COBL: variants seen among roughly 807,000 people sequenced by gnomAD.
The protein encoded by COBL is cordon-bleu WH2 repeat protein.
In COBL, 51 loss-of-function variants were observed where a neutral mutation model predicts 98.8. The ratio of observed to expected loss-of-function variants is 0.52; its 90% confidence interval spans 0.41 to 0.65. COBL has a LOEUF of 0.65. Among genes scored for constraint, COBL ranks in the 30% least tolerant of loss-of-function variants. The pLI, the probability that COBL is intolerant of heterozygous loss-of-function variation, is 0.00. For synonymous variants in COBL, 634 were observed against 651.7 expected (o/e 0.97, Z 0.41); for missense variants, 1,617 against 1,617.5 (o/e 1.00, Z 0.01).
At chr7:51,243,490 C>T (rs1376456528) in intron 1 of COBL, among the ~76,000 whole-genome samples, 1 of 152,178 alleles carries the variant, frequency 6.6e-6, no homozygotes, top group Non-Finnish European at 1.5e-5. Flanking sequence ...AAGGTATAAT[C>T]TTGTATATAT....
chr7:51,137,579 C>A, intron 5 of COBL, among the ~76,000 whole-genome samples: 1 of 134,382 alleles, frequency 7.4e-6, no homozygotes. Flanking sequence ...AGTGAGATCC[C>A]ACTTCTTTAA....
chr7:51,113,589 C>T (rs1461181896), intron 6 of COBL, among the ~76,000 whole-genome samples: 3 of 152,084 alleles, frequency 2.0e-5, no homozygotes, highest in African/African-American at 7.2e-5. Flanking sequence ...TAGAAAAACA[C>T]AAAAATATTG....
chr7:51,053,958 A>T (rs1305527021), intron 7 of COBL, among the ~76,000 whole-genome samples: 1 of 152,260 alleles, frequency 6.6e-6, no homozygotes, highest in African/African-American at 2.4e-5. Context: ...AGGTGGGTGG[A>T]TGACTTGAGG....
At chr7:51,300,976 T>C (rs10234034) in intron 1 of COBL, among the ~76,000 whole-genome samples, 3,133 of 152,070 alleles carry the variant, frequency 0.021, 94 homozygotes, top group African/African-American at 0.072. Context: ...AGATGTGGGG[T>C]TAACCGCTCC....
Position 51,115,844 on chromosome 7 carries a change from G to A in COBL, c.957+20314C>T, listed in dbSNP as rs981090676. Among the ~76,000 whole-genome samples the A allele has an allele frequency of 2.0e-5, 3 of 152,058 alleles. No individual in the cohort carries two copies. In the East Asian group the frequency reaches 5.8e-4, roughly 29 times the overall value. The stretch of plus-strand genomic sequence containing the variant: ...GCTGTTCTCCAATATGATGGTGGAT[G>A]TGTCTATTTCTCCTAATTTTGTCAA... On this transcript the variant is annotated intron_variant, in intron 6 of 12. Transcript: ENST00000265136.
At chr7:51,145,824 C>A (rs967792404) in intron 5 of COBL, among the ~76,000 whole-genome samples, 1 of 152,188 alleles carries the variant, frequency 6.6e-6, no homozygotes. Flanking sequence ...TTTGAACAGC[C>A]GTCTTTCGTG....
chr7:51,240,300 A>C (rs4948206), intron 1 of COBL, among the ~76,000 whole-genome samples: 42,201 of 152,088 alleles, frequency 0.28, 7,448 homozygotes, highest in East Asian at 0.67. Context: ...GTATTCATAC[A>C]CTTAATCCAG....
intron 6 of COBL, among the ~76,000 whole-genome samples, chr7:51,092,599 G>A (rs1309735304): frequency 2.0e-5 from 3 of 152,030 alleles, no homozygotes; most frequent in Non-Finnish European, 4.4e-5. Flanking sequence ...ATAAACACTT[G>A]GGTTTATTTC....
At chr7:51,031,128 C>A in intron 8 of COBL, 1 of 555,854 alleles carries the variant, frequency 1.8e-6, no homozygotes, top group South Asian at 2.4e-5. Context: ...ATGCGTGTAG[C>A]GTGTGTGCAT....
chr7:51,084,357 G>A (rs1334944617), intron 7 of COBL, among the ~76,000 whole-genome samples: 5 of 152,086 alleles, frequency 3.3e-5, no homozygotes, highest in South Asian at 2.1e-4. Context: ...TGGTGGCTTC[G>A]TCGTGAGCAC....
intron 7 of COBL, among the ~76,000 whole-genome samples, chr7:51,076,016 C>T (rs1793038109): frequency 6.6e-6 from 1 of 152,308 alleles, no homozygotes; most frequent in South Asian, 2.1e-4. Flanking sequence ...TCCTGTTTTC[C>T]TGGATGCCAT....
intron 1 of COBL, 33 bp downstream of exon 1, chr7:51,316,560 C>G: frequency 8.3e-7 from 1 of 1,211,266 alleles, no homozygotes; most frequent in Non-Finnish European, 1.0e-6. Flanking sequence ...GGGAAGCCCC[C>G]TCTCCACCCC....
intron 6 of COBL, among the ~76,000 whole-genome samples, chr7:51,116,590 T>C (rs1219351425): frequency 6.6e-6 from 1 of 152,106 alleles, no homozygotes; most frequent in Non-Finnish European, 1.5e-5. Context: ...ATATATCACA[T>C]ATATTGGAAA....
chr7:51,176,074 C>T (rs1277646908), intron 5 of COBL, among the ~76,000 whole-genome samples: 2 of 152,164 alleles, frequency 1.3e-5, no homozygotes, highest in Non-Finnish European at 2.9e-5. Context: ...ACAGATGGGG[C>T]TTGTACCCCA....
At chr7:51,312,940 A>C (rs564387302) in intron 1 of COBL, among the ~76,000 whole-genome samples, 1 of 152,316 alleles carries the variant, frequency 6.6e-6, no homozygotes, top group Middle Eastern at 3.4e-3. Context: ...GCAACACAGA[A>C]ATGTCCAACT....
intron 5 of COBL, among the ~76,000 whole-genome samples, chr7:51,147,462 G>A (rs573784631): frequency 1.3e-4 from 20 of 152,248 alleles, no homozygotes; most frequent in East Asian, 1.9e-4. Context: ...ATAACCTGAC[G>A]CGTTCACCTT....
At chr7:51,174,968 C>A (rs1485305935) in intron 5 of COBL, among the ~76,000 whole-genome samples, 1 of 152,158 alleles carries the variant, frequency 6.6e-6, no homozygotes, top group Non-Finnish European at 1.5e-5. Flanking sequence ...TCTCTCAGAC[C>A]CAGCTCTTGG....
intron 7 of COBL, among the ~76,000 whole-genome samples, chr7:51,065,813 C>T (rs373273080): frequency 7.3e-4 from 111 of 152,344 alleles, no homozygotes; most frequent in Non-Finnish European, 1.2e-3. Flanking sequence ...GTCTTTTAAA[C>T]GATGTTTAAG....
At chr7:51,132,573 G>T (rs981985277) in intron 6 of COBL, among the ~76,000 whole-genome samples, 24 of 152,310 alleles carry the variant, frequency 1.6e-4, no homozygotes, top group African/African-American at 5.8e-4. Context: ...CAAATAAGAG[G>T]AAAACAAACT....
Sources: gnomAD v4.1 joint callset for allele counts (sites outside exome capture counted in the v4.1 genomes callset) on GRCh38, gnomAD v4.1.1 for gene constraint, MANE v1.5 for transcripts, NCBI Gene and HGNC (gene_info 2026-07-23, HGNC 2026-07-21) for gene names.